TMPRSS7: variants seen among roughly 807,000 people sequenced by gnomAD.
TMPRSS7 encodes the protein transmembrane protease serine 7.
A neutral mutation model predicts 95.6 loss-of-function variants in TMPRSS7; 81 were observed. That is an observed-to-expected ratio of 0.85 (90% confidence interval 0.71 to 1.02). TMPRSS7 has a LOEUF of 1.02. TMPRSS7 is among the 50% of genes least tolerant of loss of function. TMPRSS7 has a pLI of 0.00. For synonymous variants in TMPRSS7, 364 were observed against 337.8 expected (o/e 1.08, Z -0.85); for missense variants, 945 against 955.2 (o/e 0.99, Z 0.14).
At chr3:112,077,258 C>A in intron 16 of TMPRSS7, 114 bp downstream of exon 16, 1 of 1,159,742 alleles carries the variant, frequency 8.6e-7, no homozygotes, top group South Asian at 1.5e-5. Context: ...TTTGAACCTC[C>A]TGACAACTCT....
At chr3:112,070,514 G>A (rs887712747) in intron 13 of TMPRSS7, among the ~76,000 whole-genome samples, 10 of 152,228 alleles carry the variant, frequency 6.6e-5, no homozygotes, top group Non-Finnish European at 1.2e-4. Flanking sequence ...GGGTGCTCCT[G>A]TATTGGGTGC....
intron 2 of TMPRSS7, among the ~76,000 whole-genome samples, chr3:112,040,773 G>T (rs2073198087): frequency 2.0e-5 from 3 of 152,150 alleles, no homozygotes. Context: ...AAGGGAGACT[G>T]GTATGGACCA....
chr3:112,058,261 T>C (rs775298195), intron 10 of TMPRSS7, among the ~76,000 whole-genome samples: 23 of 152,334 alleles, frequency 1.5e-4, no homozygotes, highest in Non-Finnish European at 3.1e-4. Context: ...ATAGGCTTTA[T>C]CAAATTTAAG....
chr3:112,078,951 A>G, intron 17 of TMPRSS7, 73 bp downstream of exon 17: 1 of 1,541,406 alleles, frequency 6.5e-7, no homozygotes, highest in Non-Finnish European at 8.8e-7. Context: ...AATCTACATA[A>G]CACTGGGAAA....
At chr3:112,043,068 C>T (rs890495459) in intron 3 of TMPRSS7, 9 of 455,848 alleles carry the variant, frequency 2.0e-5, no homozygotes, top group African/African-American at 1.0e-4. Flanking sequence ...ATACTGGGTA[C>T]GTCACTAAAC....
chr3:112,073,202 C>T (rs1433945224), intron 13 of TMPRSS7, among the ~76,000 whole-genome samples: 3 of 151,958 alleles, frequency 2.0e-5, no homozygotes, highest in Admixed American at 6.5e-5. Context: ...AGCAATTCCC[C>T]TGCCTCAGCC....
At chr3:112,046,518 ATATAAG>A (rs1421761830) in intron 5 of TMPRSS7, among the ~76,000 whole-genome samples, 1 of 152,208 alleles carries the variant, frequency 6.6e-6, no homozygotes, top group African/African-American at 2.4e-5. Flanking sequence ...ATTTAAAAAT[ATATAAG>A]TATATTATAC....
intron 3 of TMPRSS7, chr3:112,042,972 T>G (rs1576097587): frequency 2.2e-6 from 1 of 455,682 alleles, no homozygotes; most frequent in Non-Finnish European, 4.4e-6. Context: ...TGACTGGCTG[T>G]GTAGAATGAG....
At chr3:112,057,228 AC>A (rs2073444037) in intron 10 of TMPRSS7, 97 bp downstream of exon 10, 12 of 852,672 alleles carry the variant, frequency 1.4e-5, no homozygotes, top group South Asian at 5.1e-5. Flanking sequence ...TTTACCATTT[AC>A]AGTTAGGGAA....
chr3:112,075,128 G>A (rs2073695753), intron 14 of TMPRSS7, among the ~76,000 whole-genome samples, 193 bp from the exon 15 acceptor site: 1 of 152,108 alleles, frequency 6.6e-6, no homozygotes, highest in South Asian at 2.1e-4. Context: ...ACTGTGTCAG[G>A]GCATGCTTCA....
intron 17 of TMPRSS7, among the ~76,000 whole-genome samples, chr3:112,080,539 TACTACTACCACC>T (rs1465608346): frequency 1.7e-4 from 23 of 132,676 alleles, no homozygotes; most frequent in South Asian, 1.3e-3. Context: ...CTACTACTAC[TACTACTACCACC>T]ACTACTACTA....
intron 9 of TMPRSS7, among the ~76,000 whole-genome samples, chr3:112,055,202 G>A (rs2073417252): frequency 6.6e-6 from 1 of 152,136 alleles, no homozygotes; most frequent in African/African-American, 2.4e-5. Context: ...CGGGAAAAGG[G>A]TGACCTTCAG....
At chr3:112,038,695 T>C (rs531679905) in intron 2 of TMPRSS7, among the ~76,000 whole-genome samples, 19 of 152,318 alleles carry the variant, frequency 1.2e-4, no homozygotes, top group African/African-American at 4.6e-4. Flanking sequence ...ATGCCCAGGC[T>C]GGTCCCAAAC....
chr3:112,058,093 C>T (rs774365321), intron 10 of TMPRSS7, among the ~76,000 whole-genome samples: 28 of 152,192 alleles, frequency 1.8e-4, no homozygotes, highest in Admixed American at 9.8e-4. Flanking sequence ...AGTTCACTTT[C>T]AGAGAATTCT....
chr3:112,039,229 G>A (rs2197205), intron 2 of TMPRSS7, among the ~76,000 whole-genome samples: 43,836 of 152,074 alleles, frequency 0.29, 7,307 homozygotes, highest in Middle Eastern at 0.38. Flanking sequence ...ACATGTTAAT[G>A]TATTTGATAC....
At chr3:112,073,306 C>T (rs938518695) in intron 13 of TMPRSS7, among the ~76,000 whole-genome samples, 1 of 151,970 alleles carries the variant, frequency 6.6e-6, no homozygotes. Flanking sequence ...GTTGGCCACA[C>T]TGATCTCGAA....
In TMPRSS7 at chr3:112,075,457, G is replaced by A; in HGVS notation, c.1920G>A (p.Trp640Ter). The A allele has an allele frequency of 1.3e-6, 2 of 1,523,242 alleles. No individual in the cohort carries two copies. The highest frequency in any genetic ancestry group is 8.8e-7 in the Non-Finnish European group (1 of 1,135,632). The allele number at this position is 1,523,242 out of a possible 1,614,324, so 94.4% of individuals were successfully genotyped here. Residue 640 changes from tryptophan to a stop codon, truncating the protein, a stop_gained, in exon 15 of 18, where the codon TGG (tryptophan) becomes TGA (stop). Transcript: ENST00000452346. LOFTEE classifies it high-confidence loss of function. ...GTGCCTCAGTCATCTCCAGGGAGTG[G>A]CTTCTTTCTGCAGCCCACTGTTTTC...
intron 5 of TMPRSS7, among the ~76,000 whole-genome samples, chr3:112,046,740 G>T (rs2073283743): frequency 6.6e-6 from 1 of 152,108 alleles, no homozygotes; most frequent in Non-Finnish European, 1.5e-5. Context: ...ATAGTATAGT[G>T]AACTCTCATA....
At chr3:112,036,222 T>A (rs1025583300) in intron 1 of TMPRSS7, among the ~76,000 whole-genome samples, 1 of 152,204 alleles carries the variant, frequency 6.6e-6, no homozygotes, top group African/African-American at 2.4e-5. Context: ...CAGAAATAAT[T>A]GATTGTGAGA....
Sources: allele counts gnomAD v4.1 joint callset (sites outside exome capture counted in the v4.1 genomes callset), GRCh38; gene constraint gnomAD v4.1.1; transcripts MANE v1.5; gene names NCBI Gene and HGNC (gene_info 2026-07-23, HGNC 2026-07-21).